Variants in FBRSL1 observed in about 807,000 individuals in gnomAD.
FBRSL1 encodes the protein fibrosin like 1, also known as fibrosin-1-like protein.
FBRSL1 carries 51 observed loss-of-function variants against 89.6 expected under a neutral mutation model. The ratio of observed to expected loss-of-function variants is 0.57; its 90% CI spans 0.45 to 0.72. FBRSL1 has a LOEUF of 0.72. Among genes scored for constraint, FBRSL1 ranks in the 30% least tolerant of loss-of-function variants. The pLI, the probability that FBRSL1 is intolerant of heterozygous loss-of-function variation, is 0.00. For synonymous variants in FBRSL1, 779 were observed against 681.1 expected (o/e 1.14, Z -2.24); for missense variants, 1,618 against 1,451.8 (o/e 1.11, Z -1.86).
At chr12:132,503,264 C>G (rs925847995) in intron 1 of FBRSL1, among the ~76,000 whole-genome samples, 1 of 152,322 alleles carries the variant, frequency 6.6e-6, no homozygotes, top group South Asian at 2.1e-4. Flanking sequence ...CTCCCAGCTG[C>G]TGGTCCGTTG....
rs1025293686 is a variant in FBRSL1, at chr12:132,570,323, C to T, written c.1008-12C>T. On this transcript the variant is annotated splice_polypyrimidine_tract_variant and intron_variant, in intron 7 of 18. Coordinates refer to ENST00000680143, the MANE Select transcript of FBRSL1 (RefSeq NM_001367871.1). ...GGTCGGGCTGGCAGGCACTGAGCCCCGTGTCCCGCAGCAGGAGCAGCAGCG... is the reference window on the plus strand; with the variant it reads ...GGTCGGGCTGGCAGGCACTGAGCCCTGTGTCCCGCAGCAGGAGCAGCAGCG... 3.5e-5 allele frequency: 54 copies of T among 1,527,766 alleles called. No homozygotes were observed. The highest frequency in any genetic ancestry group is 3.5e-4 in the East Asian group (14 of 40,348). 94.6% of individuals were successfully genotyped at this position (1,527,766 alleles called of 1,614,324 possible).
At chr12:132,491,575 G>A (rs1047072174) in intron 1 of FBRSL1, among the ~76,000 whole-genome samples, 1 of 152,234 alleles carries the variant, frequency 6.6e-6, no homozygotes, top group Non-Finnish European at 1.5e-5. Flanking sequence ...GGTGTGCCCC[G>A]TGCAGCACTT....
At chr12:132,573,967 AG>A in intron 11 of FBRSL1, 122 bp from the exon 12 acceptor site, 9 of 397,548 alleles carry the variant, frequency 2.3e-5, no homozygotes, top group Non-Finnish European at 3.2e-5. Context: ...CCTGGGAGAC[AG>A]CGTGCGGGGC....
At chr12:132,518,044 A>G (rs2035004225) in intron 2 of FBRSL1, among the ~76,000 whole-genome samples, 1 of 152,122 alleles carries the variant, frequency 6.6e-6, no homozygotes, top group African/African-American at 2.4e-5. Context: ...ACTCTGACAC[A>G]GCATAGCTGC....
chr12:132,566,277 C>A (rs1290948737), intron 5 of FBRSL1: 1 of 151,958 alleles, frequency 6.6e-6, no homozygotes, highest in Non-Finnish European at 1.5e-5. Context: ...TCGTGAGGCT[C>A]CACACTCAAG....
intron 1 of FBRSL1, among the ~76,000 whole-genome samples, chr12:132,494,915 T>G (rs1156808157): frequency 6.6e-6 from 1 of 152,200 alleles, no homozygotes. Context: ...GCACCCAAAA[T>G]GCTGCTGAAC....
chr12:132,530,246 T>C (rs766967407), intron 4 of FBRSL1, among the ~76,000 whole-genome samples: 12 of 152,052 alleles, frequency 7.9e-5, no homozygotes, highest in Admixed American at 3.9e-4. Flanking sequence ...AGGGTCAGAG[T>C]GTGGAAATGG....
intron 5 of FBRSL1, among the ~76,000 whole-genome samples, chr12:132,561,319 C>T (rs1043985343): frequency 3.9e-5 from 6 of 152,214 alleles, no homozygotes; most frequent in African/African-American, 1.4e-4. Context: ...CCCTTCCTTG[C>T]AGCCCTCTTG....
chr12:132,513,060 C>G (rs531957150), intron 2 of FBRSL1, among the ~76,000 whole-genome samples: 2 of 152,366 alleles, frequency 1.3e-5, no homozygotes, highest in South Asian at 2.1e-4. Context: ...AGGCGTCGCC[C>G]TGGGAAATGC....
At chr12:132,502,802 C>T (rs1440548227) in intron 1 of FBRSL1, among the ~76,000 whole-genome samples, 18 of 64,340 alleles carry the variant, frequency 2.8e-4, no homozygotes, top group Non-Finnish European at 5.7e-4. Context: ...CCTGTCCCCG[C>T]CCCCTCCTGT....
At chr12:132,548,134 G>A in intron 5 of FBRSL1, 102 bp downstream of exon 5, 4 of 1,397,708 alleles carry the variant, frequency 2.9e-6, no homozygotes, top group Non-Finnish European at 3.9e-6. Flanking sequence ...AGAAGATCGG[G>A]CCTTGGGGGG....
intron 2 of FBRSL1, among the ~76,000 whole-genome samples, chr12:132,521,903 C>T (rs894759551): frequency 2.6e-5 from 4 of 152,126 alleles, no homozygotes; most frequent in African/African-American, 4.8e-5. Flanking sequence ...CAGGACAGTG[C>T]GTGCTTAGAG....
intron 15 of FBRSL1, among the ~76,000 whole-genome samples, chr12:132,578,260 G>A (rs1300057112): frequency 1.3e-5 from 2 of 151,872 alleles, no homozygotes; most frequent in African/African-American, 4.8e-5. Flanking sequence ...CAGGAGGGTC[G>A]CTTGAGCCCA....
chr12:132,524,128 C>T (rs1487442412), intron 2 of FBRSL1, among the ~76,000 whole-genome samples: 4 of 152,224 alleles, frequency 2.6e-5, no homozygotes, highest in Admixed American at 1.3e-4. Flanking sequence ...TTACAGATGC[C>T]GAAACTGAGG....
intron 2 of FBRSL1, among the ~76,000 whole-genome samples, chr12:132,517,618 G>T (rs1054711917): frequency 2.6e-5 from 4 of 152,218 alleles, no homozygotes; most frequent in African/African-American, 7.2e-5. Flanking sequence ...AGAAGGCACC[G>T]TTAGACCAGG....
At chr12:132,551,500 G>A (rs12818789) in intron 5 of FBRSL1, 7,546 of 456,318 alleles carry the variant, frequency 0.017, 90 homozygotes, top group Non-Finnish European at 0.024. Flanking sequence ...TGGGGAGGGC[G>A]CGGGCGCATG....
intron 16 of FBRSL1, 37 bp from the exon 17 acceptor site, chr12:132,581,704 C>G: frequency 1.3e-6 from 2 of 1,543,678 alleles, no homozygotes; most frequent in Non-Finnish European, 1.8e-6. Flanking sequence ...GCAGCCCACG[C>G]CTCACAGACC....
At chr12:132,552,180 G>C (rs1427700406) in intron 5 of FBRSL1, 5 of 162,376 alleles carry the variant, frequency 3.1e-5, no homozygotes, top group Admixed American at 1.2e-4. Context: ...ACGGTCCCCA[G>C]AGAGCTGGAG....
At chr12:132,508,122 A>G in intron 1 of FBRSL1, 31 bp from the exon 2 acceptor site, 1 of 1,285,656 alleles carries the variant, frequency 7.8e-7, no homozygotes. Flanking sequence ...GGGTCCCGCC[A>G]ATTAACTGGC....
Sources: allele counts gnomAD v4.1 joint callset (sites outside exome capture counted in the v4.1 genomes callset), GRCh38; gene constraint gnomAD v4.1.1; transcripts MANE v1.5; gene names NCBI Gene and HGNC (gene_info 2026-07-23, HGNC 2026-07-21).